CCDC102B: variants seen among roughly 807,000 people sequenced by gnomAD.
The protein encoded by CCDC102B is coiled-coil domain containing 102B, also known as coiled-coil domain-containing protein 102B.
A neutral mutation model predicts 57.4 loss-of-function variants in CCDC102B; 75 were observed. The ratio of observed to expected loss-of-function variants is 1.31; its 90% CI spans 1.08 to 1.58. The LOEUF (loss-of-function observed/expected upper bound fraction) is 1.58. Ranked by LOEUF, CCDC102B falls within the 40% of genes most tolerant of loss-of-function variation. CCDC102B has a pLI of 0.00. For synonymous variants in CCDC102B, 206 were observed against 201.9 expected, an observed-to-expected ratio of 1.02 and a Z score of -0.17; for missense variants, 636 against 582.6, an observed-to-expected ratio of 1.09 and a Z score of -0.94.
chr18:68,750,694 A>G (rs2033810439), intron 2 of CCDC102B, among the ~76,000 whole-genome samples: 1 of 151,606 alleles, frequency 6.6e-6, no homozygotes, highest in Non-Finnish European at 1.5e-5. Context: ...AAACTATCAC[A>G]AGGACAAAAA....
chr18:68,949,124 A>G (rs1045709338), intron 6 of CCDC102B, among the ~76,000 whole-genome samples: 1 of 152,088 alleles, frequency 6.6e-6, no homozygotes, highest in Admixed American at 6.6e-5. Context: ...CCATGCTGGC[A>G]GTGGATTAGA....
chr18:68,715,268 C>T, exon 1 of CCDC102B: 1 of 1,313,380 alleles, frequency 7.6e-7, no homozygotes, highest in Non-Finnish European at 9.7e-7. Flanking sequence ...GCGTGGGAAC[C>T]CTGCTTAAGG....
chr18:68,765,386 G>C (rs1024333540), intron 2 of CCDC102B, among the ~76,000 whole-genome samples: 1 of 139,760 alleles, frequency 7.2e-6, no homozygotes, highest in Non-Finnish European at 1.6e-5. Flanking sequence ...AGAAAAGAAA[G>C]AAAGAAAAGA....
At chr18:69,021,141 C>CACATTTTT (rs2051822528) in intron 7 of CCDC102B, among the ~76,000 whole-genome samples, 2 of 152,112 alleles carry the variant, frequency 1.3e-5, no homozygotes, top group Admixed American at 1.3e-4. Context: ...ATGTGAGAGA[C>CACATTTTT]GTTTTGTTTA....
chr18:69,025,956 G>A (rs1164670835), intron 7 of CCDC102B, among the ~76,000 whole-genome samples: 1 of 152,132 alleles, frequency 6.6e-6, no homozygotes, highest in Admixed American at 6.5e-5. Context: ...CAGTCTACAA[G>A]GGGTGCCTAT....
rs1198491869 is a variant in CCDC102B, at chr18:68,817,065, C to T, written c.-16+18884C>T. Among the ~76,000 whole-genome samples, 4 of 152,254 alleles carry T rather than the reference C, an allele frequency of 2.6e-5. No homozygotes were observed. The East Asian group carries it at 7.7e-4, about 29-fold the overall frequency. ...TCAGACCAAAAATTATGCTATTTTC[C>T]ATTTATGTTTTTCTTACTAGTAGGA... On this transcript the variant is annotated intron_variant, in intron 1 of 7. Transcript: ENST00000360242.
At chr18:68,983,250 T>G (rs2050639824) in intron 6 of CCDC102B, among the ~76,000 whole-genome samples, 1 of 151,962 alleles carries the variant, frequency 6.6e-6, no homozygotes, top group Non-Finnish European at 1.5e-5. Flanking sequence ...AAATTATATT[T>G]TCACTCTCAT....
upstream of CCDC102B, among the ~76,000 whole-genome samples, chr18:68,795,374 A>C (rs151274367): frequency 6.6e-6 from 1 of 152,202 alleles, no homozygotes; most frequent in Non-Finnish European, 1.5e-5. Flanking sequence ...TATATATTTC[A>C]GAATTATATG....
intron 4 of CCDC102B, among the ~76,000 whole-genome samples, chr18:68,864,078 A>G (rs1028626330): frequency 1.3e-5 from 2 of 151,966 alleles, no homozygotes; most frequent in Admixed American, 1.3e-4. Flanking sequence ...TTTCAGTGGA[A>G]AGACTGGGAA....
intron 6 of CCDC102B, among the ~76,000 whole-genome samples, chr18:68,918,336 T>C (rs1270329140): frequency 1.3e-5 from 2 of 151,816 alleles, no homozygotes; most frequent in Non-Finnish European, 2.9e-5. Context: ...CATTCACTGA[T>C]TTTTTTTCTC....
chr18:68,938,153 G>A (rs1445557748), intron 6 of CCDC102B, among the ~76,000 whole-genome samples: 2 of 152,012 alleles, frequency 1.3e-5, no homozygotes, highest in South Asian at 2.1e-4. Flanking sequence ...TGTTTGGAAC[G>A]GAGCTTAACT....
At position 69,009,924 on chromosome 18, in the gene CCDC102B, ATT is replaced by A. The variant is rs770668683; in HGVS notation, c.1264-986_1264-985del. ...CTTTTTCTTTATAGTTTTAATAAAG[ATT>A]TTTTTTTTTTTTTTTTTTTTTTTGA... On this transcript the variant is annotated intron_variant, in intron 6 of 7. Transcript: ENST00000360242. Among the ~76,000 whole-genome samples the A allele has an allele frequency of 9.5e-3, 318 of 33,488 alleles. 2 individuals are homozygous for A. Among genetic ancestry groups the A allele is most frequent in the Middle Eastern group, 0.05 (1 of 20 alleles). The allele number at this position is 33,488 out of a possible 152,430, so 22.0% of individuals were successfully genotyped here.
intron 2 of CCDC102B, among the ~76,000 whole-genome samples, chr18:68,769,403 T>C (rs2034567340): frequency 6.6e-6 from 1 of 152,092 alleles, no homozygotes; most frequent in African/African-American, 2.4e-5. Context: ...AAAGGCCCCA[T>C]CTCCAAATAA....
In CCDC102B at chr18:68,911,584, C is replaced by G. The variant is rs1465651946; in HGVS notation, c.1263+14156C>G. ...TGGCTAACACGGTGAAACCCCGTCT[C>G]TACTAAAAATACAAAAAATTAGCCG... is the stretch of plus-strand genomic sequence containing the variant. On this transcript the variant is annotated intron_variant, in intron 6 of 7. Transcript: ENST00000360242. Among the ~76,000 whole-genome samples, 6 of 149,680 alleles carry G rather than the reference C, an allele frequency of 4.0e-5. No individual in the cohort carries two copies. The South Asian group carries it at 1.3e-3, about 32-fold the overall frequency.
intron 6 of CCDC102B, among the ~76,000 whole-genome samples, chr18:68,972,251 G>C (rs1266816023): frequency 6.6e-6 from 1 of 152,170 alleles, no homozygotes; most frequent in Non-Finnish European, 1.5e-5. Flanking sequence ...AGAGGAGAAA[G>C]TTGTCTGGTG....
intron 6 of CCDC102B, among the ~76,000 whole-genome samples, chr18:68,910,977 A>G (rs1226846630): frequency 6.6e-6 from 1 of 151,942 alleles, no homozygotes; most frequent in Non-Finnish European, 1.5e-5. Flanking sequence ...ATGCTTATAC[A>G]CTGTTGGTGG....
intron 2 of CCDC102B, among the ~76,000 whole-genome samples, chr18:68,778,613 A>G (rs2034901765): frequency 6.6e-6 from 1 of 152,162 alleles, no homozygotes; most frequent in East Asian, 1.9e-4. Flanking sequence ...CACTCAGTTA[A>G]CTGAAATATG....
downstream of CCDC102B, among the ~76,000 whole-genome samples, chr18:69,056,566 C>G (rs909250816): frequency 3.3e-5 from 5 of 151,752 alleles, no homozygotes; most frequent in African/African-American, 7.3e-5. Context: ...CTGAATTACT[C>G]TCTTCTCAGA....
chr18:68,866,672 A>C (rs2038996062), intron 4 of CCDC102B: 2 of 390,190 alleles, frequency 5.1e-6, no homozygotes, highest in Admixed American at 6.1e-5. Context: ...ACCGCCCTTT[A>C]TCTTGCCATA....
Sources: allele counts gnomAD v4.1 joint callset (sites outside exome capture counted in the v4.1 genomes callset), GRCh38; gene constraint gnomAD v4.1.1; transcripts MANE v1.5; gene names NCBI Gene and HGNC (gene_info 2026-07-23, HGNC 2026-07-21).